Variants in CORO7 observed in about 807,000 individuals in gnomAD.
CORO7 encodes coronin-7.
CORO7 carries 107 observed loss-of-function variants against 126.6 expected under a neutral mutation model. The observed-to-expected ratio is 0.85, with a 90% CI of 0.72 to 0.99. The LOEUF (loss-of-function observed/expected upper bound fraction) is 0.99. CORO7 is among the 50% of genes least tolerant of loss of function. The pLI is 0.00. For missense variants in CORO7, 1,314 were observed against 1,255.8 expected (o/e 1.05, Z -0.70); for synonymous variants, 603 against 536.8 (o/e 1.12, Z -1.70).
chr16:4,413,452 C>T (rs1156612960), intron 1 of CORO7, 48 bp from the exon 2 acceptor site: 5 of 1,530,630 alleles, frequency 3.3e-6, no homozygotes, highest in East Asian at 2.5e-5. Flanking sequence ...AGGGTTCCAC[C>T]TCCATGCATG....
intron 9 of CORO7, chr16:4,383,285 C>T (rs557936357): frequency 5.1e-5 from 12 of 234,576 alleles, no homozygotes; most frequent in African/African-American, 2.3e-4. Flanking sequence ...AGAGGGAGAG[C>T]GGGTAGGCGG....
At chr16:4,380,744 A>G (rs1465770846) in intron 9 of CORO7, 1 of 1,132,416 alleles carries the variant, frequency 8.8e-7, no homozygotes, top group Non-Finnish European at 1.2e-6. Context: ...GACCTGACTC[A>G]TAACCATTGG....
chr16:4,382,020 C>T (rs1305951120), intron 9 of CORO7: 1 of 1,602,460 alleles, frequency 6.2e-7, no homozygotes, highest in Non-Finnish European at 8.5e-7. Context: ...CCTGGCTTAG[C>T]CCCACAGAGC....
intron 6 of CORO7, 92 bp downstream of exon 6, chr16:4,405,399 C>T: frequency 6.9e-7 from 1 of 1,443,382 alleles, no homozygotes; most frequent in South Asian, 1.4e-5. Flanking sequence ...CCACTGCCTC[C>T]TAAACAACAA....
chr16:4,355,531 C>T (rs1000256895), intron 26 of CORO7, 159 bp from the exon 27 acceptor site: 9 of 737,966 alleles, frequency 1.2e-5, no homozygotes, highest in South Asian at 5.5e-5. Flanking sequence ...TGCAGTGGCG[C>T]GATCTCGGCT....
At chr16:4,365,804 G>C (rs1480180688) in intron 9 of CORO7, among the ~76,000 whole-genome samples, 1 of 152,216 alleles carries the variant, frequency 6.6e-6, no homozygotes, top group East Asian at 1.9e-4. Flanking sequence ...GGGCACAGGG[G>C]AACTCGGGCC....
rs368783578 is a variant in CORO7 at position 4,382,506 on chromosome 16, G to A, written c.785+5480C>T. On this transcript the variant is annotated intron_variant, in intron 9 of 27. Coordinates refer to ENST00000251166, the MANE Select transcript of CORO7 (RefSeq NM_024535.5). ...TCATGCCTTTGGGGCCCGGGCGGGT[G>A]CCGGAGGGCGAGGAGGCCTGCGGGG... The A allele has an allele frequency of 1.1e-4, 182 of 1,592,332 alleles. No homozygotes were observed. In the African/African-American group the frequency reaches 1.9e-3, roughly 17 times the overall value.
At position 4,354,971 on chromosome 16, in the gene CORO7, G is replaced by T. The variant is rs746253874; in HGVS notation, c.*187C>A. 1 of 561,362 alleles carries T rather than the reference G, an allele frequency of 1.8e-6. No individual in the cohort carries two copies. Among genetic ancestry groups the T allele is most frequent in the Non-Finnish European group, 2.9e-6 (1 of 340,420 alleles). The allele number at this position is 561,362 out of a possible 1,614,324, so 34.8% of individuals were successfully genotyped here. On this transcript the variant is annotated 3_prime_UTR_variant, in exon 28 of 28. Transcript: ENST00000251166. ...TGAGCAGCAGCTGACCCCAGAGACAGCAGAGGTGAAAACAGTCCCTGGGAA... is the reference window on the plus strand; with the variant it reads ...TGAGCAGCAGCTGACCCCAGAGACATCAGAGGTGAAAACAGTCCCTGGGAA...
intron 25 of CORO7, 98 bp downstream of exon 25, chr16:4,357,870 T>G: frequency 2.0e-6 from 3 of 1,516,064 alleles, no homozygotes; most frequent in Non-Finnish European, 2.7e-6. Context: ...GGCCAGAGGA[T>G]TCTGCGTGCC....
chr16:4,398,288 C>T (rs1415489920), intron 6 of CORO7, among the ~76,000 whole-genome samples: 1 of 152,092 alleles, frequency 6.6e-6, no homozygotes, highest in African/African-American at 2.4e-5. Context: ...TTCAATATCA[C>T]TAACCATTAG....
At position 4,360,484 on chromosome 16, in the gene CORO7, A is replaced by T. The variant is rs771983428; in HGVS notation, c.1982T>A (p.Val661Glu). The T allele has an allele frequency of 2.2e-5, 35 of 1,612,372 alleles. No individual in the cohort carries two copies. The highest frequency in any genetic ancestry group is 2.9e-5 in the Non-Finnish European group (34 of 1,179,686). Residue 661 changes from valine to glutamate, a missense_variant, in exon 20 of 28, where the codon GTG (valine) becomes GAG (glutamate). Transcript: ENST00000251166. ...GCCACTCCGGGGCCTGTAGACCCGC[A>T]CACGCCCATCCTTGCAGACAGTGGC... is the stretch of plus-strand genomic sequence containing the variant. ...QLATVCKDGR[V>E]RVYRPRSGPE...
At chr16:4,392,898 C>T (rs554519283) in intron 7 of CORO7, among the ~76,000 whole-genome samples, 2 of 152,342 alleles carry the variant, frequency 1.3e-5, no homozygotes, top group East Asian at 1.9e-4. Context: ...GAGCCACCCA[C>T]GCTCTTCCCA....
chr16:4,356,758 C>A (rs2053989114), intron 26 of CORO7: 3 of 223,542 alleles, frequency 1.3e-5, no homozygotes, highest in East Asian at 3.0e-4. Context: ...TAATTACAGC[C>A]CTGACAAAAT....
chr16:4,382,457 C>T, intron 9 of CORO7: 2 of 1,608,592 alleles, frequency 1.2e-6, no homozygotes, highest in Non-Finnish European at 1.7e-6. Context: ...CAGCTGCGGC[C>T]CAACGCCACT....
In CORO7 at chr16:4,365,407, T is replaced by A. The variant is rs539033618; in HGVS notation, c.840+84A>T. ...ACAGGGGAAGACACAGAGGCCCTGTTCGAGTTCCTCCTCTCTCTTGGGGAA... is the reference window on the plus strand; with the variant it reads ...ACAGGGGAAGACACAGAGGCCCTGTACGAGTTCCTCCTCTCTCTTGGGGAA... On this transcript the variant is annotated intron_variant, in intron 10 of 27. Coordinates refer to ENST00000251166, the MANE Select transcript of CORO7 (RefSeq NM_024535.5). The A allele has an allele frequency of 1.3e-5, 20 of 1,532,378 alleles. No homozygotes were observed. In the Admixed American group the frequency reaches 2.2e-4, roughly 17 times the overall value. 94.9% of individuals were successfully genotyped at this position (1,532,378 alleles called of 1,614,324 possible). A position where few individuals can be genotyped will look rare whatever the true frequency, so the allele number is the denominator to read the frequency against.
chr16:4,382,692 G>A (rs1238141846), intron 9 of CORO7: 4 of 1,546,744 alleles, frequency 2.6e-6, no homozygotes, highest in Non-Finnish European at 3.5e-6. Flanking sequence ...GGCGGGCCAT[G>A]GCAGCAGCGG....
chr16:4,359,268 CG>C (rs2054080380), intron 23 of CORO7, 27 bp downstream of exon 23: 4 of 1,569,644 alleles, frequency 2.5e-6, no homozygotes, highest in African/African-American at 1.3e-5. Context: ...GTGGTCCCAT[CG>C]GGGACGAGGC....
intron 6 of CORO7, among the ~76,000 whole-genome samples, chr16:4,402,713 G>A (rs980468699): frequency 8.5e-5 from 13 of 152,208 alleles, no homozygotes; most frequent in African/African-American, 3.1e-4. Flanking sequence ...AGTGGGCACT[G>A]AGGCTGCTCT....
chr16:4,382,126 G>A (rs1359925614), intron 9 of CORO7: 1 of 1,588,584 alleles, frequency 6.3e-7, no homozygotes, highest in African/African-American at 1.3e-5. Flanking sequence ...CTGCCTCAAT[G>A]GGGGCACATG....
Sources: gnomAD v4.1 joint callset for allele counts (sites outside exome capture counted in the v4.1 genomes callset) on GRCh38, gnomAD v4.1.1 for gene constraint, MANE v1.5 for transcripts, NCBI Gene and HGNC (gene_info 2026-07-23, HGNC 2026-07-21) for gene names.